Variants in AXDND1 observed in about 807,000 individuals in gnomAD.
The protein encoded by AXDND1 is axonemal dynein light chain domain-containing protein 1.
AXDND1 carries 110 observed loss-of-function variants against 137.5 expected under a neutral mutation model. The ratio of observed to expected loss-of-function variants is 0.80; its 90% CI spans 0.69 to 0.94. The LOEUF (loss-of-function observed/expected upper bound fraction) is 0.94, where lower values mean the gene tolerates loss of function less well. Among genes scored for constraint, AXDND1 ranks in the 40% least tolerant of loss-of-function variants. The pLI is 0.00. For missense variants in AXDND1, 1,191 were observed against 1,169.8 expected, an observed-to-expected ratio of 1.02 and a Z score of -0.26; for synonymous variants, 414 against 399.7, an observed-to-expected ratio of 1.04 and a Z score of -0.43.
chr1:179,439,822 C>T (rs1013539793), intron 15 of AXDND1, among the ~76,000 whole-genome samples: 2 of 152,106 alleles, frequency 1.3e-5, no homozygotes, highest in Non-Finnish European at 2.9e-5. Context: ...GGTTGGCCAC[C>T]CTGGGTTCCT....
chr1:179,399,128 A>G (rs1049863242), intron 11 of AXDND1, among the ~76,000 whole-genome samples: 4 of 152,094 alleles, frequency 2.6e-5, no homozygotes, highest in African/African-American at 9.7e-5. Flanking sequence ...CCAAAATTGT[A>G]TTGTATGCAC....
intron 15 of AXDND1, among the ~76,000 whole-genome samples, chr1:179,434,824 A>G (rs1383536148): frequency 4.6e-5 from 7 of 152,144 alleles, no homozygotes; most frequent in Non-Finnish European, 8.8e-5. Flanking sequence ...TCAACATAGT[A>G]TTGGAAGTTC....
chr1:179,553,092 A>G (rs61826364), intron 25 of AXDND1, among the ~76,000 whole-genome samples: 30,874 of 152,286 alleles, frequency 0.2, 3,821 homozygotes, highest in Non-Finnish European at 0.27. Flanking sequence ...TGAAAAGGGT[A>G]CAACTGACCA....
chr1:179,539,819 G>A (rs1457751163), intron 25 of AXDND1, among the ~76,000 whole-genome samples: 1 of 151,998 alleles, frequency 6.6e-6, no homozygotes, highest in African/African-American at 2.4e-5. Context: ...GTCACTTTCG[G>A]GTACGCCAAT....
intron 16 of AXDND1, among the ~76,000 whole-genome samples, chr1:179,461,284 C>T (rs1662279323): frequency 6.6e-6 from 1 of 152,114 alleles, no homozygotes; most frequent in Non-Finnish European, 1.5e-5. Context: ...GTCAGTTTTC[C>T]CAGCACCATT....
intron 21 of AXDND1, among the ~76,000 whole-genome samples, chr1:179,516,222 C>A (rs1669524746): frequency 6.6e-6 from 1 of 152,018 alleles, no homozygotes; most frequent in Admixed American, 6.6e-5. Flanking sequence ...GAATTTCTTT[C>A]TTCTACTTGT....
intron 17 of AXDND1, among the ~76,000 whole-genome samples, chr1:179,477,037 T>A (rs1257533503): frequency 6.6e-6 from 1 of 151,012 alleles, no homozygotes; most frequent in African/African-American, 2.4e-5. Context: ...TTCTTTTTCC[T>A]CTTTATTTTT....
chr1:179,373,590 C>T (rs982545514), intron 4 of AXDND1, among the ~76,000 whole-genome samples: 1 of 152,148 alleles, frequency 6.6e-6, no homozygotes. Context: ...TACAAGGCTA[C>T]AGTAACCAAA....
At chr1:179,396,668 A>C (rs1443618029) in intron 11 of AXDND1, among the ~76,000 whole-genome samples, 2 of 152,002 alleles carry the variant, frequency 1.3e-5, no homozygotes, top group African/African-American at 4.8e-5. Flanking sequence ...AAAAAAAAAA[A>C]CTTGCTTTTA....
chr1:179,409,857 T>A (rs1009137831), intron 11 of AXDND1, among the ~76,000 whole-genome samples: 3 of 152,104 alleles, frequency 2.0e-5, no homozygotes, highest in Non-Finnish European at 4.4e-5. Flanking sequence ...TATGATGATG[T>A]TTAATTATCT....
At chr1:179,488,632 CTCCTT>C (rs1421599461) in intron 18 of AXDND1, among the ~76,000 whole-genome samples, 3,074 of 63,048 alleles carry the variant, frequency 0.049, 257 homozygotes, top group East Asian at 0.19. Context: ...CTCTCTCTCT[CTCCTT>C]TCTTTCTTTC....
At chr1:179,400,904 C>CAAAAAAAAAAAAAAAAAAAAAAAAAA (rs151090012) in intron 11 of AXDND1, among the ~76,000 whole-genome samples, 1 of 53,668 alleles carries the variant, frequency 1.9e-5, no homozygotes, top group Non-Finnish European at 3.1e-5. Context: ...GACTCTGTCT[C>CAAAAAAAAAAAAAAAAAAAAAAAAAA]AAAAAAAAAA....
chr1:179,544,672 T>TAA (rs1672481367), intron 25 of AXDND1: 1 of 11,056 alleles, frequency 9.0e-5, no homozygotes. Context: ...AGACTCCATC[T>TAA]CAAAAAAAAA....
At chr1:179,419,279 T>A (rs941328435) in intron 12 of AXDND1, among the ~76,000 whole-genome samples, 130 of 151,896 alleles carry the variant, frequency 8.6e-4, no homozygotes, top group African/African-American at 2.2e-3. Context: ...TGGGAGGTGG[T>A]TGTAGCGAGC....
chr1:179,497,661 G>A (rs1032663371), intron 20 of AXDND1, among the ~76,000 whole-genome samples: 4 of 152,114 alleles, frequency 2.6e-5, no homozygotes, highest in Non-Finnish European at 5.9e-5. Flanking sequence ...GCTAGCCAGA[G>A]CAGTTAGGCA....
intron 23 of AXDND1, among the ~76,000 whole-genome samples, chr1:179,533,380 G>A (rs1671205856): frequency 6.6e-6 from 1 of 152,138 alleles, no homozygotes; most frequent in Non-Finnish European, 1.5e-5. Context: ...ATTTTGCAAT[G>A]TTACATTCTT....
At chr1:179,384,726 G>C (rs1212899304) in intron 8 of AXDND1, among the ~76,000 whole-genome samples, 1 of 151,378 alleles carries the variant, frequency 6.6e-6, no homozygotes, top group Non-Finnish European at 1.5e-5. Flanking sequence ...ACATAGAAGT[G>C]ATATTGTGAC....
chr1:179,397,578 T>C (rs1416868560), intron 11 of AXDND1, among the ~76,000 whole-genome samples: 8 of 152,194 alleles, frequency 5.3e-5, no homozygotes, highest in Non-Finnish European at 1.0e-4. Context: ...CTAAAATATG[T>C]TTTCCAAGTT....
chr1:179,390,486 T>G (rs1649981236), intron 9 of AXDND1, among the ~76,000 whole-genome samples: 1 of 152,132 alleles, frequency 6.6e-6, no homozygotes, highest in Non-Finnish European at 1.5e-5. Flanking sequence ...TGTTGTCAAT[T>G]TGAAAAAATG....
Sources: gnomAD v4.1 joint callset for allele counts (sites outside exome capture counted in the v4.1 genomes callset) on GRCh38, gnomAD v4.1.1 for gene constraint, MANE v1.5 for transcripts, NCBI Gene and HGNC (gene_info 2026-07-23, HGNC 2026-07-21) for gene names.